Variants in ARHGAP44 observed in about 807,000 individuals in gnomAD.
ARHGAP44 encodes rho GTPase-activating protein 44.
ARHGAP44 carries 43 observed loss-of-function variants against 106.8 expected under a neutral mutation model. The observed-to-expected ratio is 0.40, with a 90% CI of 0.32 to 0.52. ARHGAP44 has a LOEUF of 0.52. ARHGAP44 is among the 20% of genes least tolerant of loss of function. The probability of loss-of-function intolerance (pLI) is 0.48; values close to 1 mark genes in which losing one functional copy is unlikely to be tolerated. For synonymous variants in ARHGAP44, 439 were observed against 410.3 expected (o/e 1.07, Z -0.85); for missense variants, 866 against 1,050.5 (o/e 0.82, Z 2.43).
At chr17:12,835,787 A>G (rs1287060227) in intron 1 of ARHGAP44, among the ~76,000 whole-genome samples, 3 of 152,178 alleles carry the variant, frequency 2.0e-5, no homozygotes, top group South Asian at 4.1e-4. Flanking sequence ...TCATTAAACA[A>G]TAACTTCCCA....
chr17:12,802,947 ATATATATATATATATATATATATTTT>A (rs1333780536), intron 1 of ARHGAP44, among the ~76,000 whole-genome samples: 3 of 15,354 alleles, frequency 2.0e-4, no homozygotes, highest in Non-Finnish European at 2.0e-4. Flanking sequence ...ATATATATAT[ATATATATATATATATATATATATTTT>A]TTTTTTTTTT....
At chr17:12,870,961 T>G (rs2036388889) in intron 1 of ARHGAP44, among the ~76,000 whole-genome samples, 1 of 152,194 alleles carries the variant, frequency 6.6e-6, no homozygotes. Flanking sequence ...AATTTTTTTC[T>G]TTTTCTCTCT....
rs1388552285 is a variant in ARHGAP44 at position 12,991,560 on chromosome 17, T to TG, written c.*1394dup. ...TTGTAATGGGAGTCTGGGGTAAGGG[T>TG]GGGGGTTGAAAGTTGTTATCTTTAA... On this transcript the variant is annotated 3_prime_UTR_variant, in exon 21 of 21. Transcript: ENST00000379672. The TG allele has an allele frequency of 5.6e-5, 10 of 177,324 alleles. No individual in the cohort carries two copies. The highest frequency in any genetic ancestry group is 1.4e-4 in the African/African-American group (6 of 42,020). 11.0% of individuals were successfully genotyped at this position (177,324 alleles called of 1,614,324 possible).
chr17:12,830,402 AG>A (rs553984596), intron 1 of ARHGAP44, among the ~76,000 whole-genome samples: 16 of 152,228 alleles, frequency 1.1e-4, no homozygotes, highest in Middle Eastern at 3.4e-3. Context: ...TCTTACAGTA[AG>A]ATGTGGCTGG....
chr17:12,979,191 G>A (rs924881071), intron 18 of ARHGAP44, among the ~76,000 whole-genome samples: 5 of 152,214 alleles, frequency 3.3e-5, no homozygotes, highest in African/African-American at 7.2e-5. Context: ...ACACTGTGGG[G>A]GAAGTGTGGA....
chr17:12,917,254 A>G (rs992047766), intron 5 of ARHGAP44: 3 of 154,536 alleles, frequency 1.9e-5, no homozygotes, highest in Non-Finnish European at 4.4e-5. Flanking sequence ...TGGCTCACAT[A>G]ATCACAGAGG....
chr17:12,988,457 G>A (rs73978299), intron 20 of ARHGAP44: 1 of 152,214 alleles, frequency 6.6e-6, no homozygotes, highest in Non-Finnish European at 1.5e-5. Flanking sequence ...CATGACCCAA[G>A]TAGCTGGGGA....
intron 3 of ARHGAP44, among the ~76,000 whole-genome samples, chr17:12,898,299 T>C (rs2037275466): frequency 6.6e-6 from 1 of 152,146 alleles, no homozygotes; most frequent in African/African-American, 2.4e-5. Context: ...AGGAGGTTGT[T>C]GAAGTGTGAG....
At chr17:12,815,600 A>G (rs1378408435) in intron 1 of ARHGAP44, among the ~76,000 whole-genome samples, 1 of 152,204 alleles carries the variant, frequency 6.6e-6, no homozygotes, top group Non-Finnish European at 1.5e-5. Context: ...TCAGGAGAAG[A>G]TAAGAAATTG....
chr17:12,891,175 C>T (rs1006309575), intron 1 of ARHGAP44, among the ~76,000 whole-genome samples: 1 of 152,190 alleles, frequency 6.6e-6, no homozygotes, highest in African/African-American at 2.4e-5. Context: ...AGCAATGCAG[C>T]CTTTTTCTAG....
rs906465155 is a variant in ARHGAP44 at position 12,974,261 on chromosome 17, G to A, written c.1714G>A (p.Ala572Thr). The change falls in exon 18 of 21, where the codon GCG (alanine) becomes ACG (threonine). Residue 572 changes from alanine to threonine, a missense_variant. This residue lies in a region of ARHGAP44 where 418 missense variants were observed against 403.6 expected (regional missense o/e 1.04). Coordinates refer to ENST00000379672, the MANE Select transcript of ARHGAP44 (RefSeq NM_014859.6). Reference sequence around the variant, plus strand: ...GCCCCTGGACAGCCCCGCGGCCCCCGCGCTCTCTCCATCCGGCCTGGGCCT... The same window carrying A: ...GCCCCTGGACAGCCCCGCGGCCCCCACGCTCTCTCCATCCGGCCTGGGCCT... ...EQPLDSPAAP[A>T]LSPSGLGLQP... 6 of 1,510,538 alleles carry A rather than the reference G, an allele frequency of 4.0e-6. No homozygotes were observed. In the Middle Eastern group the frequency reaches 7.0e-4, roughly 177 times the overall value. 93.6% of individuals were successfully genotyped at this position (1,510,538 alleles called of 1,614,324 possible). A position where few individuals can be genotyped will look rare whatever the true frequency, so the allele number is the denominator to read the frequency against.
At chr17:12,940,022 A>G (rs1379871835) in intron 7 of ARHGAP44, among the ~76,000 whole-genome samples, 3 of 152,208 alleles carry the variant, frequency 2.0e-5, no homozygotes, top group African/African-American at 7.2e-5. Context: ...ATTAGCAGCT[A>G]GAGAGACTGA....
intron 1 of ARHGAP44, among the ~76,000 whole-genome samples, chr17:12,823,456 T>A (rs898875113): frequency 3.3e-5 from 5 of 152,188 alleles, no homozygotes; most frequent in South Asian, 2.1e-4. Context: ...TGAAGCTCTG[T>A]CAGATGGATG....
chr17:12,984,177 G>C (rs2039898731), intron 19 of ARHGAP44, among the ~76,000 whole-genome samples: 1 of 152,214 alleles, frequency 6.6e-6, no homozygotes, highest in Admixed American at 6.5e-5. Flanking sequence ...GAGAGTAGCA[G>C]CGATGCCTCT....
At chr17:12,875,933 A>G (rs1418263740) in intron 1 of ARHGAP44, among the ~76,000 whole-genome samples, 1 of 131,120 alleles carries the variant, frequency 7.6e-6, no homozygotes, top group Admixed American at 8.4e-5. Context: ...GACAAGAGCG[A>G]GACTTCGTCT....
At chr17:12,792,444 C>T (rs949931730) in intron 1 of ARHGAP44, among the ~76,000 whole-genome samples, 1 of 152,008 alleles carries the variant, frequency 6.6e-6, no homozygotes, top group Non-Finnish European at 1.5e-5. Flanking sequence ...TGTTGATTGC[C>T]GAGATTAAAA....
chr17:12,954,532 G>T (rs1027633880), intron 13 of ARHGAP44, among the ~76,000 whole-genome samples: 1 of 152,168 alleles, frequency 6.6e-6, no homozygotes, highest in Non-Finnish European at 1.5e-5. Context: ...GGCCGTGCGT[G>T]GAGTTGTCAC....
At chr17:12,985,147 G>C (rs905746376) in intron 20 of ARHGAP44, 2 of 493,270 alleles carry the variant, frequency 4.1e-6, no homozygotes, top group African/African-American at 3.9e-5. Flanking sequence ...AAGCCCACCA[G>C]CCTGGGGTTC....
chr17:12,894,826 C>A, intron 1 of ARHGAP44, 114 bp from the exon 2 acceptor site: 2 of 909,144 alleles, frequency 2.2e-6, no homozygotes, highest in South Asian at 3.3e-5. Context: ...TTAAATGTTT[C>A]TACTACTCAT....
Sources: gnomAD v4.1 joint callset for allele counts (sites outside exome capture counted in the v4.1 genomes callset) on GRCh38, gnomAD v4.1.1 for gene constraint, gnomAD v4.1.1 regional missense constraint, MANE v1.5 for transcripts, NCBI Gene and HGNC (gene_info 2026-07-23, HGNC 2026-07-21) for gene names.